The following FGF12 variants were observed in gnomAD, a reference collection of about 807,000 sequenced individuals.
FGF12 encodes the protein fibroblast growth factor 12B.
Under a neutral mutation model 23.6 loss-of-function variants are expected in FGF12, and 14 were observed. The observed-to-expected ratio is 0.59, with a 90% CI of 0.39 to 0.93. FGF12 has a LOEUF of 0.93. Ranked by LOEUF, FGF12 falls within the 40% of genes least tolerant of loss-of-function variation. FGF12 has a pLI of 0.00. For missense variants in FGF12, 175 were observed against 217.8 expected (o/e 0.80, Z 1.24); for synonymous variants, 62 against 77.3 (o/e 0.80, Z 1.04).
chr3:192,167,769 AAAATTTTTTTTTT>A (rs1375565271), intron 5 of FGF12, among the ~76,000 whole-genome samples: 1 of 38,842 alleles, frequency 2.6e-5, no homozygotes, highest in East Asian at 1.1e-3. Context: ...ATATATATAT[AAAATTTTTTTTTT>A]TTTTTTTTTT....
Position 192,514,577 on chromosome 3 carries a change from G to A in FGF12, c.14-154039C>T. The A allele has an allele frequency of 1.8e-6, 1 of 541,526 alleles. No homozygotes were observed. Among genetic ancestry groups the A allele is most frequent in the Non-Finnish European group, 2.4e-6 (1 of 424,328 alleles). 33.5% of individuals were successfully genotyped at this position (541,526 alleles called of 1,614,324 possible). A position where few individuals can be genotyped will look rare whatever the true frequency, so the allele number is the denominator to read the frequency against. On this transcript the variant is annotated intron_variant, in intron 2 of 5. Transcript: ENST00000445105. This position sits in a 1 kb window ranked among gnomAD's most constrained non-coding sequence, Gnocchi z 4.9. ...CCCTCCGCCACAGGCAGCGCTGAAT[G>A]AAGCAGAGGAGGGCGGCGGAGAGGG...
intron 2 of FGF12, among the ~76,000 whole-genome samples, chr3:192,645,809 G>A (rs1232034146): frequency 7.1e-6 from 1 of 141,272 alleles, no homozygotes; most frequent in African/African-American, 2.6e-5. Flanking sequence ...TAGCTTTCTT[G>A]GAACCAACAT....
At chr3:192,363,364 C>A (rs916635879) in intron 2 of FGF12, among the ~76,000 whole-genome samples, 1 of 152,034 alleles carries the variant, frequency 6.6e-6, no homozygotes, top group Admixed American at 6.6e-5. Flanking sequence ...TTAAACACTT[C>A]TTTTGCCCTG....
intron 2 of FGF12, among the ~76,000 whole-genome samples, chr3:192,619,252 A>C (rs1327808548): frequency 6.6e-6 from 1 of 152,058 alleles, no homozygotes; most frequent in Non-Finnish European, 1.5e-5. Flanking sequence ...GGGAATCTGA[A>C]AGAGATGTTA....
intron 2 of FGF12, among the ~76,000 whole-genome samples, chr3:192,508,729 T>A (rs1724385768): frequency 6.6e-6 from 1 of 152,244 alleles, no homozygotes; most frequent in South Asian, 2.1e-4. Context: ...TTCAAACACA[T>A]TTTTTTCCAG....
At chr3:192,689,836 C>T (rs1013539101) in intron 2 of FGF12, among the ~76,000 whole-genome samples, 1 of 151,054 alleles carries the variant, frequency 6.6e-6, no homozygotes, top group Non-Finnish European at 1.5e-5. Context: ...CAAATTCAAC[C>T]CAAAGAAGAG....
chr3:192,433,187 G>C (rs555328283), intron 2 of FGF12, among the ~76,000 whole-genome samples: 1 of 152,140 alleles, frequency 6.6e-6, no homozygotes, highest in Non-Finnish European at 1.5e-5. Flanking sequence ...TCATTGTGCT[G>C]AGAAAACAGA....
chr3:192,173,937 C>G (rs1290468702), intron 4 of FGF12, among the ~76,000 whole-genome samples: 1 of 152,158 alleles, frequency 6.6e-6, no homozygotes, highest in Non-Finnish European at 1.5e-5. Flanking sequence ...AACTAAAGCT[C>G]ATGACAGCGA....
intron 4 of FGF12, among the ~76,000 whole-genome samples, chr3:192,233,513 G>T (rs778139442): frequency 3.3e-5 from 5 of 152,084 alleles, no homozygotes; most frequent in Non-Finnish European, 5.9e-5. Context: ...TTATGCTGTT[G>T]ATGGCTTCTT....
chr3:192,302,425 C>T (rs559624904), intron 4 of FGF12, among the ~76,000 whole-genome samples: 1 of 152,292 alleles, frequency 6.6e-6, no homozygotes, highest in South Asian at 2.1e-4. Flanking sequence ...CCTTTTAAGT[C>T]TCACTTTTGA....
intron 4 of FGF12, among the ~76,000 whole-genome samples, chr3:192,318,612 C>T (rs1716352694): frequency 6.6e-6 from 1 of 151,848 alleles, no homozygotes; most frequent in Non-Finnish European, 1.5e-5. Context: ...AAGTACAAAT[C>T]TAAGAGTTGT....
chr3:192,295,171 C>G (rs1047325548), intron 4 of FGF12, among the ~76,000 whole-genome samples: 1 of 152,202 alleles, frequency 6.6e-6, no homozygotes, highest in African/African-American at 2.4e-5. Flanking sequence ...AAAAGCCGAC[C>G]TATCTAAGAG....
At chr3:192,271,230 C>T (rs4687306) in intron 4 of FGF12, among the ~76,000 whole-genome samples, 54,958 of 152,020 alleles carry the variant, frequency 0.36, 11,002 homozygotes, top group East Asian at 0.9. Flanking sequence ...TAGTAACATC[C>T]AGTACATCTG....
chr3:192,451,464 C>T (rs1427347735), intron 2 of FGF12, among the ~76,000 whole-genome samples: 1 of 152,132 alleles, frequency 6.6e-6, no homozygotes, highest in African/African-American at 2.4e-5. Context: ...TGAAACCAGC[C>T]TACTGTACCA....
At chr3:192,538,467 C>T (rs1725287907) in intron 2 of FGF12, among the ~76,000 whole-genome samples, 1 of 152,062 alleles carries the variant, frequency 6.6e-6, no homozygotes, top group Non-Finnish European at 1.5e-5. Flanking sequence ...TCATTCTGTT[C>T]CATTGGTCTA....
intron 2 of FGF12, among the ~76,000 whole-genome samples, chr3:192,690,836 C>T (rs1290810798): frequency 6.6e-6 from 1 of 151,854 alleles, no homozygotes; most frequent in Admixed American, 6.6e-5. Context: ...AGAACATACA[C>T]AGACTGAAGA....
intron 5 of FGF12, among the ~76,000 whole-genome samples, chr3:192,164,454 G>A (rs1257666704): frequency 1.3e-5 from 2 of 152,174 alleles, no homozygotes; most frequent in East Asian, 1.9e-4. Flanking sequence ...AAAGAGTGAA[G>A]GGAAATGGGC....
intron 3 of FGF12, among the ~76,000 whole-genome samples, chr3:192,346,070 T>C (rs889625243): frequency 1.3e-5 from 2 of 152,016 alleles, no homozygotes; most frequent in Non-Finnish European, 2.9e-5. Flanking sequence ...AAAAATAAAA[T>C]GATTATTTTG....
intron 2 of FGF12, among the ~76,000 whole-genome samples, chr3:192,679,404 C>A (rs567409334): frequency 6.6e-6 from 1 of 152,212 alleles, no homozygotes; most frequent in South Asian, 2.1e-4. Flanking sequence ...TCAAGACCAG[C>A]CTGGACAAGA....
Sources: allele counts gnomAD v4.1 joint callset (sites outside exome capture counted in the v4.1 genomes callset), GRCh38; gene constraint gnomAD v4.1.1; non-coding constraint Gnocchi (gnomAD v3.1); transcripts MANE v1.5; gene names NCBI Gene and HGNC (gene_info 2026-07-23, HGNC 2026-07-21).